The following PCDH15 variants were observed in gnomAD, a reference collection of about 807,000 sequenced individuals.
PCDH15 encodes protocadherin-15.
Under a neutral mutation model 178.5 loss-of-function variants are expected in PCDH15, and 129 were observed. The observed-to-expected ratio is 0.72, with a 90% CI of 0.63 to 0.84. PCDH15 has a LOEUF of 0.84. Among genes scored for constraint, PCDH15 ranks in the 40% least tolerant of loss-of-function variants. The probability of loss-of-function intolerance (pLI) is 0.00; values close to 1 mark genes in which losing one functional copy is unlikely to be tolerated. For missense variants in PCDH15, 2,230 were observed against 2,099.9 expected (o/e 1.06, Z -1.21); for synonymous variants, 800 against 732.0 (o/e 1.09, Z -1.50).
chr10:54,121,195 T>TTTTTTTTTTTTTTTTTGAGACGG (rs1468310840), intron 15 of PCDH15, among the ~76,000 whole-genome samples: 1 of 152,004 alleles, frequency 6.6e-6, no homozygotes, highest in African/African-American at 2.4e-5. Flanking sequence ...GAGTGACTTT[T>TTTTTTTTTTTTTTTTTGAGACGG]AAGTAAACAA....
chr10:54,257,155 C>T (rs1364826802), intron 8 of PCDH15, among the ~76,000 whole-genome samples: 7 of 151,746 alleles, frequency 4.6e-5, no homozygotes, highest in Non-Finnish European at 8.8e-5. Context: ...AGGTAATGTT[C>T]CTTGTCAAGG....
At chr10:55,264,786 A>G (rs1194954723) in intron 1 of PCDH15, among the ~76,000 whole-genome samples, 1 of 152,134 alleles carries the variant, frequency 6.6e-6, no homozygotes, top group East Asian at 1.9e-4. Flanking sequence ...ACAGCAAGGA[A>G]TTGCTTGGCC....
At chr10:54,765,384 T>A (rs980142314) in intron 1 of PCDH15, among the ~76,000 whole-genome samples, 4 of 152,056 alleles carry the variant, frequency 2.6e-5, no homozygotes, top group African/African-American at 9.7e-5. Context: ...TCTTAAAAGA[T>A]GAAAAAAGTT....
Position 53,807,122 on chromosome 10 carries a change from T to C in PCDH15, c.4680A>G (p.Arg1560=), listed in dbSNP as rs759643332. The C allele has an allele frequency of 3.8e-6, 6 of 1,591,660 alleles. No homozygotes were observed. The African/African-American group carries it at 8.1e-5, about 22-fold the overall frequency. The change falls in exon 38 of 38, where the codon AGA becomes AGG. Residue 1560 remains arginine (R), a synonymous_variant. Transcript: ENST00000644397. ...CAACAACTAACTTGATCATTCTTTTTCTTGCCCACTGATAAAATAAACAAA... is the reference window on the plus strand; with the variant it reads ...CAACAACTAACTTGATCATTCTTTTCCTTGCCCACTGATAAAATAAACAAA... ...EEEYEEEEWA[R]KRMIKLVVDR...
rs759047277 is a variant in PCDH15 at position 54,214,000 on chromosome 10, G to T, written c.1034C>A (p.Ala345Glu). The T allele has an allele frequency of 4.3e-6, 7 of 1,611,884 alleles. No individual in the cohort carries two copies. The highest frequency in any genetic ancestry group is 5.9e-6 in the Non-Finnish European group (7 of 1,178,372). The stretch of plus-strand genomic sequence containing the variant: ...TACTGGCTCCAGGAGACTAAGTTCT[G>T]CTGTCCTAGGATGCATATGGAAAAA... ...PRFFHMHPRT[A>E]ELSLLEPVNR... is the part of the protein sequence containing the mutation. The change falls in exon 10 of 38, where the codon GCA becomes GAA. Residue 345 changes from alanine (A) to glutamate (E), a missense_variant. Transcript: ENST00000644397.
chr10:55,348,830 G>C (rs1844832159), intron 2 of PCDH15, among the ~76,000 whole-genome samples: 1 of 152,144 alleles, frequency 6.6e-6, no homozygotes, highest in Non-Finnish European at 1.5e-5. Flanking sequence ...TTACCTCCAT[G>C]CTGCATCTTT....
intron 20 of PCDH15, among the ~76,000 whole-genome samples, chr10:54,005,028 C>G (rs2092334867): frequency 6.6e-6 from 1 of 151,080 alleles, no homozygotes; most frequent in Non-Finnish European, 1.5e-5. Context: ...ACAGCAAAGT[C>G]AATTTTGACA....
intron 3 of PCDH15, among the ~76,000 whole-genome samples, chr10:54,417,524 T>C (rs1207790206): frequency 6.6e-6 from 1 of 152,208 alleles, no homozygotes; most frequent in Non-Finnish European, 1.5e-5. Flanking sequence ...TAATTTTCTT[T>C]TCAATGATAT....
chr10:54,215,258 C>T (rs1007395724), intron 9 of PCDH15, among the ~76,000 whole-genome samples: 8 of 151,936 alleles, frequency 5.3e-5, no homozygotes, highest in African/African-American at 1.9e-4. Flanking sequence ...GATGTTAAAA[C>T]ACATCCAAAA....
intron 3 of PCDH15, among the ~76,000 whole-genome samples, chr10:54,891,232 T>C (rs1488752920): frequency 2.0e-5 from 3 of 152,038 alleles, no homozygotes; most frequent in Non-Finnish European, 4.4e-5. Flanking sequence ...CTGGAAAAGA[T>C]TGGAATATCT....
chr10:55,305,694 A>G (rs1489101951), intron 1 of PCDH15, among the ~76,000 whole-genome samples: 3 of 152,230 alleles, frequency 2.0e-5, no homozygotes, highest in Non-Finnish European at 2.9e-5. Flanking sequence ...TTGCTGTCCA[A>G]CACTGGATAA....
chr10:54,156,571 A>G (rs2045174416), intron 13 of PCDH15, among the ~76,000 whole-genome samples: 1 of 152,208 alleles, frequency 6.6e-6, no homozygotes, highest in African/African-American at 2.4e-5. Flanking sequence ...GGGTCCTCCC[A>G]CAACACGTGG....
chr10:53,834,905 G>A (rs940463863), intron 29 of PCDH15, among the ~76,000 whole-genome samples: 7 of 152,176 alleles, frequency 4.6e-5, no homozygotes, highest in Admixed American at 3.3e-4. Context: ...GCAGGAGATT[G>A]TACTCTAGAC....
At chr10:54,136,240 T>C (rs1054611632) in intron 14 of PCDH15, among the ~76,000 whole-genome samples, 1 of 152,166 alleles carries the variant, frequency 6.6e-6, no homozygotes, top group African/African-American at 2.4e-5. Flanking sequence ...GTTCTACTTA[T>C]AGAAACTAGA....
At chr10:54,453,406 A>G (rs1282134500) in intron 3 of PCDH15, among the ~76,000 whole-genome samples, 1 of 152,098 alleles carries the variant, frequency 6.6e-6, no homozygotes, top group African/African-American at 2.4e-5. Flanking sequence ...TCGCAAGGAC[A>G]AAAAACCAAA....
chr10:55,014,988 A>C (rs1220743406), intron 2 of PCDH15, among the ~76,000 whole-genome samples: 1 of 152,102 alleles, frequency 6.6e-6, no homozygotes, highest in Non-Finnish European at 1.5e-5. Context: ...TGGGAGGCCG[A>C]GGCGGGCAGA....
rs558304747 is a variant in PCDH15, at chr10:55,227,343, C to T, written c.-155-60692G>A. ...TGCATATACTGTGAATGCACCCTTTCTCAAAAACTATTCGAAGATCTACTC... is the reference window on the plus strand; with the variant it reads ...TGCATATACTGTGAATGCACCCTTTTTCAAAAACTATTCGAAGATCTACTC... On this transcript the variant is annotated intron_variant, in intron 1 of 5. Coordinates refer to the PCDH15 transcript ENST00000458638. Among the ~76,000 whole-genome samples, 24 of 152,186 alleles carry T rather than the reference C, an allele frequency of 1.6e-4. No homozygotes were observed. In the South Asian group the frequency reaches 4.6e-3, roughly 29 times the overall value.
At chr10:55,359,204 A>C (rs1323903651) in intron 2 of PCDH15, among the ~76,000 whole-genome samples, 4 of 151,920 alleles carry the variant, frequency 2.6e-5, no homozygotes, top group Non-Finnish European at 5.9e-5. Context: ...TTCAAAAAAA[A>C]AAGTAAAATA....
chr10:55,219,593 T>C (rs1048356230), intron 1 of PCDH15, among the ~76,000 whole-genome samples: 4 of 151,396 alleles, frequency 2.6e-5, no homozygotes, highest in Non-Finnish European at 5.9e-5. Flanking sequence ...AATTTTCTTA[T>C]ATATTTAATT....
Sources: gnomAD v4.1 joint callset for allele counts (sites outside exome capture counted in the v4.1 genomes callset) on GRCh38, gnomAD v4.1.1 for gene constraint, MANE v1.5 for transcripts, NCBI Gene and HGNC (gene_info 2026-07-23, HGNC 2026-07-21) for gene names.